CCSER1: variants seen among roughly 807,000 people sequenced by gnomAD.
CCSER1 encodes the protein coiled-coil serine rich protein 1.
A neutral mutation model predicts 82.0 loss-of-function variants in CCSER1; 41 were observed. That is an observed-to-expected ratio of 0.50 (90% CI 0.39 to 0.65). CCSER1 has a LOEUF of 0.65. CCSER1 is among the 30% of genes least tolerant of loss of function. The probability of loss-of-function intolerance (pLI) is 0.00; values close to 1 mark genes in which losing one functional copy is unlikely to be tolerated. For synonymous variants in CCSER1, 414 were observed against 383.9 expected (o/e 1.08, Z -0.92); for missense variants, 1,119 against 1,064.2 (o/e 1.05, Z -0.72).
At chr4:91,382,130 G>A (rs1438110205) in intron 10 of CCSER1, among the ~76,000 whole-genome samples, 1 of 152,188 alleles carries the variant, frequency 6.6e-6, no homozygotes, top group Non-Finnish European at 1.5e-5. Context: ...TTGTCTCAGA[G>A]GTGTACCCAG....
chr4:90,425,238 T>G (rs1757361806), intron 4 of CCSER1, among the ~76,000 whole-genome samples: 1 of 152,170 alleles, frequency 6.6e-6, no homozygotes, highest in African/African-American at 2.4e-5. Context: ...TTATTTCATT[T>G]TAGATTTTGG....
intron 1 of CCSER1, among the ~76,000 whole-genome samples, chr4:90,138,967 G>A (rs1415323592): frequency 1.3e-5 from 2 of 152,192 alleles, no homozygotes; most frequent in Non-Finnish European, 2.9e-5. Context: ...GCATGTATCA[G>A]TTAATGAAAC....
At chr4:90,330,615 T>C (rs1228225100) in intron 3 of CCSER1, among the ~76,000 whole-genome samples, 1 of 152,154 alleles carries the variant, frequency 6.6e-6, no homozygotes, top group African/African-American at 2.4e-5. Flanking sequence ...GAGGCATAGA[T>C]GCTGGGTTTA....
chr4:91,467,462 A>C (rs998945846), intron 10 of CCSER1, among the ~76,000 whole-genome samples: 16 of 152,262 alleles, frequency 1.1e-4, no homozygotes, highest in African/African-American at 3.4e-4. Context: ...ATGTCTAAAA[A>C]ACCAAAAGCA....
intron 10 of CCSER1, among the ~76,000 whole-genome samples, chr4:91,090,544 T>C (rs1004510342): frequency 1.3e-5 from 2 of 152,212 alleles, no homozygotes; most frequent in African/African-American, 4.8e-5. Flanking sequence ...TGCAATATTG[T>C]CCAATAATTG....
intron 7 of CCSER1, among the ~76,000 whole-genome samples, chr4:90,777,419 G>C (rs2149592581): frequency 6.9e-6 from 1 of 145,918 alleles, no homozygotes; most frequent in South Asian, 2.2e-4. Flanking sequence ...CTCACACTTA[G>C]TACTTCCTAT....
At chr4:91,072,536 T>A (rs1269778696) in intron 9 of CCSER1, among the ~76,000 whole-genome samples, 1 of 152,130 alleles carries the variant, frequency 6.6e-6, no homozygotes, top group Non-Finnish European at 1.5e-5. Context: ...GCTTACTCAT[T>A]TAATAGGTTA....
chr4:90,499,329 C>G (rs1445828650), intron 5 of CCSER1, among the ~76,000 whole-genome samples: 1 of 152,052 alleles, frequency 6.6e-6, no homozygotes, highest in East Asian at 1.9e-4. Context: ...CAGGAACTAC[C>G]AAGAGATCTA....
At chr4:90,393,955 A>G (rs1561157240) in intron 3 of CCSER1, among the ~76,000 whole-genome samples, 1 of 151,380 alleles carries the variant, frequency 6.6e-6, no homozygotes, top group African/African-American at 2.4e-5. Context: ...TTAAAAAAAA[A>G]AATTGCAGAG....
At chr4:90,787,548 C>T (rs2149642558) in intron 7 of CCSER1, among the ~76,000 whole-genome samples, 1 of 152,168 alleles carries the variant, frequency 6.6e-6, no homozygotes, top group Middle Eastern at 3.4e-3. Context: ...GTCATGTGGC[C>T]TCTAGTTTTC....
chr4:91,356,975 A>ACCTG (rs929801933), intron 10 of CCSER1, among the ~76,000 whole-genome samples: 15 of 146,360 alleles, frequency 1.0e-4, no homozygotes, highest in Middle Eastern at 3.6e-3. Context: ...AGGGTCTCTA[A>ACCTG]CCTGCCAACC....
intron 5 of CCSER1, among the ~76,000 whole-genome samples, chr4:90,469,037 A>G (rs2153588636): frequency 6.6e-6 from 1 of 152,216 alleles, no homozygotes; most frequent in South Asian, 2.1e-4. Flanking sequence ...AGTATTTTTC[A>G]GTGAGAAATA....
intron 10 of CCSER1, among the ~76,000 whole-genome samples, chr4:91,357,340 AAGATTTT>A (rs1677621072): frequency 6.6e-6 from 1 of 152,190 alleles, no homozygotes; most frequent in African/African-American, 2.4e-5. Context: ...ACCATAAGGT[AAGATTTT>A]ATAGACTCTT....
At chr4:90,191,506 T>C (rs1735623600) in intron 1 of CCSER1, among the ~76,000 whole-genome samples, 1 of 151,956 alleles carries the variant, frequency 6.6e-6, no homozygotes, top group Non-Finnish European at 1.5e-5. Context: ...GAGACAGCAC[T>C]ATACCAGTAG....
chr4:91,422,002 C>G (rs1338781067), intron 10 of CCSER1, among the ~76,000 whole-genome samples: 1 of 151,984 alleles, frequency 6.6e-6, no homozygotes, highest in South Asian at 2.1e-4. Context: ...AAAAGGGGAC[C>G]TCAGTTCTAC....
At chr4:91,008,241 T>TCTCTAGAGTGAAGTTTATTTC (rs1738695009) in intron 9 of CCSER1, among the ~76,000 whole-genome samples, 5 of 152,222 alleles carry the variant, frequency 3.3e-5, no homozygotes, top group Non-Finnish European at 7.3e-5. Flanking sequence ...AGGTTCATTT[T>TCTCTAGAGTGAAGTTTATTTC]CTCTAGAGTG....
At chr4:91,410,190 T>A (rs1259491940) in intron 10 of CCSER1, among the ~76,000 whole-genome samples, 2 of 152,300 alleles carry the variant, frequency 1.3e-5, no homozygotes, top group Non-Finnish European at 2.9e-5. Context: ...TGTAAGCAAT[T>A]TCACTGTTAT....
intron 9 of CCSER1, among the ~76,000 whole-genome samples, chr4:90,993,551 T>C (rs975805026): frequency 2.7e-4 from 41 of 152,198 alleles, no homozygotes; most frequent in African/African-American, 9.1e-4. Flanking sequence ...AGGTCTGCTA[T>C]AAGAAATACA....
intron 10 of CCSER1, among the ~76,000 whole-genome samples, chr4:91,379,623 T>C (rs950083008): frequency 4.6e-5 from 7 of 152,208 alleles, no homozygotes; most frequent in Non-Finnish European, 8.8e-5. Context: ...TTTTATTGCA[T>C]CTACTTGATT....
Sources: gnomAD v4.1 joint callset for allele counts (sites outside exome capture counted in the v4.1 genomes callset) on GRCh38, gnomAD v4.1.1 for gene constraint, MANE v1.5 for transcripts, NCBI Gene and HGNC (gene_info 2026-07-23, HGNC 2026-07-21) for gene names.